JAM2: variants seen among roughly 807,000 people sequenced by gnomAD.
JAM2 encodes the protein junctional adhesion molecule B.
A neutral mutation model predicts 42.0 loss-of-function variants in JAM2; 17 were observed. The ratio of observed to expected loss-of-function variants is 0.40; its 90% CI spans 0.28 to 0.61. JAM2 has a LOEUF of 0.61. JAM2 is among the 20% of genes least tolerant of loss of function. JAM2 has a pLI of 0.37. For missense variants in JAM2, 319 were observed against 358.3 expected (o/e 0.89, Z 0.89); for synonymous variants, 118 against 128.6 (o/e 0.92, Z 0.56).
chr21:25,678,707 A>C (rs537741095), intron 1 of JAM2, among the ~76,000 whole-genome samples: 20 of 152,190 alleles, frequency 1.3e-4, no homozygotes, highest in Non-Finnish European at 2.8e-4. Flanking sequence ...CAGTTTCCCT[A>C]TTGAATATGT....
chr21:25,674,285 C>T (rs1451233369), intron 1 of JAM2, among the ~76,000 whole-genome samples: 1 of 152,110 alleles, frequency 6.6e-6, no homozygotes, highest in Non-Finnish European at 1.5e-5. Flanking sequence ...ATCCCAGCTA[C>T]TCAGGAGGCT....
Position 25,693,841 on chromosome 21 carries a change from T to C in JAM2, c.327T>C (p.Cys109=). ...GAAGTGATGCGGGGAAATATCGTTG[T>C]GAAGTTAGTGCCCCATCTGAGCAAG... The part of the protein sequence containing the change: ...VTRSDAGKYR[C]EVSAPSEQGQ... Residue 109 remains cysteine, a synonymous_variant, in exon 4 of 10, where the codon TGT becomes TGC. Coordinates refer to ENST00000480456, the MANE Select transcript of JAM2 (RefSeq NM_021219.4). The C allele has an allele frequency of 1.2e-6, 2 of 1,614,156 alleles. No individual in the cohort carries two copies. The highest frequency in any genetic ancestry group is 1.7e-5 in the Admixed American group (1 of 60,020).
At chr21:25,653,867 C>A (rs553530111) in intron 1 of JAM2, among the ~76,000 whole-genome samples, 18 of 152,048 alleles carry the variant, frequency 1.2e-4, no homozygotes, top group Non-Finnish European at 2.2e-4. Context: ...CTTTCTTTAG[C>A]CAAACTGGAG....
intron 1 of JAM2, among the ~76,000 whole-genome samples, chr21:25,649,404 G>GGA (rs1485619736): frequency 6.6e-6 from 1 of 152,102 alleles, no homozygotes; most frequent in Admixed American, 6.6e-5. Context: ...GCAAAAGCGG[G>GGA]GAAAGCCCTT....
chr21:25,693,969 G>T lies in JAM2; in HGVS notation c.394+61G>T, dbSNP rs1194625437. 9 of 1,538,962 alleles carry T rather than the reference G, an allele frequency of 5.8e-6. 1 individual carries two copies. The highest frequency in any genetic ancestry group is 2.4e-5 in the South Asian group (2 of 84,700). On this transcript the variant is annotated intron_variant, in intron 4 of 9. Coordinates refer to ENST00000480456, the MANE Select transcript of JAM2 (RefSeq NM_021219.4). ...CTCCTTCTCCACCACCCAGCCCTGG[G>T]GGCAAGCAAGCACTGGTCCATAAAC...
chr21:25,657,517 AC>A (rs1328547803), intron 1 of JAM2, among the ~76,000 whole-genome samples: 1 of 152,222 alleles, frequency 6.6e-6, no homozygotes, highest in East Asian at 1.9e-4. Flanking sequence ...AAATGTCTCT[AC>A]TAGATGTTCA....
chr21:25,695,844 A>T (rs541478364), intron 4 of JAM2, among the ~76,000 whole-genome samples: 79 of 148,564 alleles, frequency 5.3e-4, no homozygotes, highest in African/African-American at 1.8e-3. Flanking sequence ...GGCGGGGCAG[A>T]GGCGCTTCCC....
intron 3 of JAM2, 52 bp from the exon 4 acceptor site, chr21:25,693,704 A>G (rs2033932548): frequency 6.8e-7 from 1 of 1,477,632 alleles, no homozygotes; most frequent in Non-Finnish European, 9.4e-7. Flanking sequence ...AAGGTATTAC[A>G]CAGAAAGCTA....
rs1434045120 is a variant in JAM2 at position 25,702,323 on chromosome 21, C to G, written c.697+54C>G. The G allele has an allele frequency of 3.5e-6, 4 of 1,134,302 alleles. No homozygotes were observed. The Admixed American group carries it at 7.1e-5, about 20-fold the overall frequency. The allele number at this position is 1,134,302 out of a possible 1,614,324, so 70.3% of individuals were successfully genotyped here. ...TGGTTTGCAATTCGACTGTGAAGTACAGCAGTTGGGGGTACAAGGAGCAAG... is the reference window on the plus strand; with the variant it reads ...TGGTTTGCAATTCGACTGTGAAGTAGAGCAGTTGGGGGTACAAGGAGCAAG... On this transcript the variant is annotated intron_variant, in intron 6 of 9. Transcript: ENST00000480456.
intron 1 of JAM2, among the ~76,000 whole-genome samples, chr21:25,675,351 C>G (rs2123354631): frequency 6.6e-6 from 1 of 152,146 alleles, no homozygotes; most frequent in South Asian, 2.1e-4. Context: ...CAAAAATTCA[C>G]AGGACATGGT....
chr21:25,696,138 C>A (rs937092961), intron 4 of JAM2, among the ~76,000 whole-genome samples: 7 of 152,222 alleles, frequency 4.6e-5, no homozygotes, highest in Non-Finnish European at 1.0e-4. Flanking sequence ...GCAATCCCGG[C>A]ACCTCGGGAG....
intron 1 of JAM2, among the ~76,000 whole-genome samples, chr21:25,644,675 G>C (rs1169026725): frequency 6.6e-6 from 1 of 152,132 alleles, no homozygotes; most frequent in Non-Finnish European, 1.5e-5. Context: ...ATATTTATAG[G>C]TTCTGGGGAG....
At chr21:25,673,992 T>C (rs912636988) in intron 1 of JAM2, among the ~76,000 whole-genome samples, 3 of 152,314 alleles carry the variant, frequency 2.0e-5, no homozygotes, top group East Asian at 1.9e-4. Context: ...GCTCTCATTC[T>C]CTCTTGACTG....
At chr21:25,704,052 T>A (rs1327097957) in intron 6 of JAM2, among the ~76,000 whole-genome samples, 17 of 151,132 alleles carry the variant, frequency 1.1e-4, no homozygotes, top group Admixed American at 1.1e-3. Flanking sequence ...ATTGACAAAC[T>A]ACAAGACAGT....
At chr21:25,648,954 G>A (rs2032692687) in intron 1 of JAM2, among the ~76,000 whole-genome samples, 1 of 152,170 alleles carries the variant, frequency 6.6e-6, no homozygotes, top group African/African-American at 2.4e-5. Flanking sequence ...AAAATTAATA[G>A]TCTCAAATGA....
At chr21:25,690,510 T>C (rs1159062702) in intron 3 of JAM2, among the ~76,000 whole-genome samples, 1 of 152,004 alleles carries the variant, frequency 6.6e-6, no homozygotes. Flanking sequence ...TTTTATTTAT[T>C]TATTTATTTT....
At chr21:25,655,312 GA>G (rs573241011) in intron 1 of JAM2, among the ~76,000 whole-genome samples, 1 of 140,774 alleles carries the variant, frequency 7.1e-6, no homozygotes, top group African/African-American at 2.7e-5. Context: ...CCATAAAATA[GA>G]AAAAAGATAG....
rs759733216 is a variant in JAM2 at position 25,683,952 on chromosome 21, C to A, written c.133+4C>A. On this transcript the variant is annotated splice_donor_region_variant and intron_variant, in intron 2 of 9. Coordinates refer to ENST00000480456, the MANE Select transcript of JAM2 (RefSeq NM_021219.4). ...GTCACAGCAGTAGAGTACCAAGGTACAGTATCTTACTGATTTTCACAGGCT... is the reference window on the plus strand; with the variant it reads ...GTCACAGCAGTAGAGTACCAAGGTAAAGTATCTTACTGATTTTCACAGGCT... 13 of 1,575,644 alleles carry A rather than the reference C, an allele frequency of 8.3e-6. No homozygotes were observed. Among genetic ancestry groups the A allele is most frequent in the Non-Finnish European group, 1.0e-5 (12 of 1,150,956 alleles).
At chr21:25,643,645 T>G (rs1004730676) in intron 1 of JAM2, 1 of 152,196 alleles carries the variant, frequency 6.6e-6, no homozygotes. Flanking sequence ...GCTGGCACAG[T>G]CTCAATTATC....
Sources: allele counts gnomAD v4.1 joint callset (sites outside exome capture counted in the v4.1 genomes callset), GRCh38; gene constraint gnomAD v4.1.1; transcripts MANE v1.5; gene names NCBI Gene and HGNC (gene_info 2026-07-23, HGNC 2026-07-21).